Variants in CEP85 observed in about 807,000 individuals in gnomAD.
CEP85 encodes centrosomal protein 85.
A neutral mutation model predicts 93.7 loss-of-function variants in CEP85; 58 were observed. The ratio of observed to expected loss-of-function variants is 0.62; its 90% confidence interval spans 0.50 to 0.77. CEP85 has a LOEUF of 0.77. Ranked by LOEUF, CEP85 falls within the 30% of genes least tolerant of loss-of-function variation. The pLI is 0.00. For synonymous variants in CEP85, 314 were observed against 338.6 expected (o/e 0.93, Z 0.80); for missense variants, 868 against 922.0 (o/e 0.94, Z 0.76).
At chr1:26,269,280 G>A (rs1455506283) in intron 8 of CEP85, 180 bp from the exon 9 acceptor site, 1 of 607,256 alleles carries the variant, frequency 1.6e-6, no homozygotes, top group Non-Finnish European at 2.9e-6. Context: ...CCCCTGTCCA[G>A]TTGTGTTCTC....
chr1:26,249,776 G>A (rs1242822682), intron 3 of CEP85, among the ~76,000 whole-genome samples: 1 of 152,122 alleles, frequency 6.6e-6, no homozygotes, highest in East Asian at 1.9e-4. Flanking sequence ...TGGTTAAGTA[G>A]GGGAGAGATT....
Position 26,277,485 on chromosome 1 carries a change from T to C in CEP85, c.*192T>C. 1.8e-6 allele frequency: 1 copy of C among 556,372 alleles called. No homozygotes were observed. Among genetic ancestry groups the C allele is most frequent in the Non-Finnish European group, 3.3e-6 (1 of 305,722 alleles). 34.5% of individuals were successfully genotyped at this position (556,372 alleles called of 1,614,324 possible). On this transcript the variant is annotated 3_prime_UTR_variant, in exon 14 of 14. Coordinates refer to ENST00000451429, the MANE Select transcript of CEP85 (RefSeq NM_001319944.2). ...ACACTGGCATGTTGGATTACGTTTG[T>C]CCTGTTAATTCACTCTAGACGGTGA... is the stretch of plus-strand genomic sequence containing the variant.
chr1:26,247,518 A>C (rs2089529691), intron 3 of CEP85, among the ~76,000 whole-genome samples: 1 of 152,036 alleles, frequency 6.6e-6, no homozygotes, highest in East Asian at 1.9e-4. Flanking sequence ...AAATCACTTG[A>C]GCCCACGAGT....
rs751288836 is a variant in CEP85, at chr1:26,271,050, A to T, written c.1686A>T (p.Gly562=). 3.6e-5 allele frequency: 58 copies of T among 1,613,660 alleles called. No homozygotes were observed. Among genetic ancestry groups the T allele is most frequent in the Non-Finnish European group, 4.7e-5 (56 of 1,179,554 alleles). The change falls in exon 10 of 14, where the codon GGA becomes GGT. Residue 562 remains glycine (G), a synonymous_variant. Transcript: ENST00000451429. ...AACAGTCTGTGGAGGAGACCAGTGG[A>T]GAAGGTCCAGAAGTGGAAATGGAGT... ...QDKQSVEETS[G]EGPEVEMESW... is the part of the protein sequence containing the mutation.
intron 7 of CEP85, among the ~76,000 whole-genome samples, chr1:26,262,605 C>T (rs1329840207): frequency 1.3e-5 from 2 of 152,114 alleles, no homozygotes; most frequent in African/African-American, 4.8e-5. Context: ...TCCACTGGTA[C>T]CACAGATGAT....
intron 6 of CEP85, among the ~76,000 whole-genome samples, chr1:26,259,389 G>A (rs2089771544): frequency 6.6e-6 from 1 of 152,192 alleles, no homozygotes; most frequent in Admixed American, 6.5e-5. Flanking sequence ...CATCCCTACA[G>A]TTTCTGGTTT....
At chr1:26,247,054 T>C (rs971130972) in intron 3 of CEP85, among the ~76,000 whole-genome samples, 10 of 152,176 alleles carry the variant, frequency 6.6e-5, no homozygotes, top group Admixed American at 5.2e-4. Flanking sequence ...GGGATTAAAT[T>C]CTCACAGGAG....
intron 3 of CEP85, among the ~76,000 whole-genome samples, chr1:26,249,104 C>T (rs755126910): frequency 1.4e-4 from 22 of 151,904 alleles, no homozygotes; most frequent in African/African-American, 2.4e-4. Context: ...TGTTTTGAGA[C>T]GGAGTCTCAC....
rs577042088 is a variant in CEP85 at position 26,236,064 on chromosome 1, C to T, written c.-23+1754C>T. ...GAGGCAGAAACTCCAACTTGTGGTGCCATGCTTGATCTCTTTTTTTGTGTT... is the reference window on the plus strand; with the variant it reads ...GAGGCAGAAACTCCAACTTGTGGTGTCATGCTTGATCTCTTTTTTTGTGTT... On this transcript the variant is annotated intron_variant, in intron 1 of 13. Coordinates refer to ENST00000451429, the MANE Select transcript of CEP85 (RefSeq NM_001319944.2). Among the ~76,000 whole-genome samples the T allele has an allele frequency of 2.0e-5, 3 of 152,316 alleles. No individual in the cohort carries two copies. The East Asian group carries it at 5.8e-4, about 29-fold the overall frequency.
chr1:26,249,521 C>G (rs2089570930), intron 3 of CEP85, among the ~76,000 whole-genome samples: 1 of 152,220 alleles, frequency 6.6e-6, no homozygotes, highest in African/African-American at 2.4e-5. Context: ...CACCCTTCTT[C>G]ACTAAGGTGT....
At chr1:26,240,801 G>A (rs1212410311) in intron 2 of CEP85, among the ~76,000 whole-genome samples, 1 of 152,050 alleles carries the variant, frequency 6.6e-6, no homozygotes, top group African/African-American at 2.4e-5. Context: ...GGGAGGCTGA[G>A]GCAGGAGAAT....
intron 3 of CEP85, chr1:26,254,962 C>T (rs2089672993): frequency 4.9e-6 from 3 of 606,270 alleles, no homozygotes; most frequent in African/African-American, 1.8e-5. Flanking sequence ...GTCATTATTG[C>T]CTTTTGTTAG....
chr1:26,271,267 T>C (rs1161472604), intron 10 of CEP85, among the ~76,000 whole-genome samples, 160 bp downstream of exon 10: 1 of 152,200 alleles, frequency 6.6e-6, no homozygotes, highest in Non-Finnish European at 1.5e-5. Flanking sequence ...TAGTAATTTG[T>C]ATTTAGATAG....
At chr1:26,274,860 G>T (rs1033596896) in intron 11 of CEP85, 104 bp from the exon 12 acceptor site, 7 of 809,842 alleles carry the variant, frequency 8.6e-6, no homozygotes, top group Admixed American at 2.4e-5. Flanking sequence ...TGAGGGTGTA[G>T]GTAGGGTGAG....
chr1:26,257,534 C>G (rs936639716), intron 4 of CEP85, 63 bp from the exon 5 acceptor site: 14 of 1,592,602 alleles, frequency 8.8e-6, no homozygotes, highest in Non-Finnish European at 1.2e-5. Context: ...CTGATTACTG[C>G]TCAGGTGTTT....
chr1:26,249,254 G>T (rs952669979), intron 3 of CEP85, among the ~76,000 whole-genome samples: 2 of 152,176 alleles, frequency 1.3e-5, no homozygotes, highest in Non-Finnish European at 2.9e-5. Flanking sequence ...GCTAATTTTT[G>T]TATTTTTAGT....
intron 7 of CEP85, 81 bp from the exon 8 acceptor site, chr1:26,268,402 C>T: frequency 6.6e-7 from 1 of 1,516,382 alleles, no homozygotes; most frequent in Non-Finnish European, 9.1e-7. Context: ...AGGCTGCAGT[C>T]AGCTGAGATC....
At chr1:26,240,404 G>A (rs2089403255) in intron 2 of CEP85, among the ~76,000 whole-genome samples, 1 of 151,946 alleles carries the variant, frequency 6.6e-6, no homozygotes, top group Admixed American at 6.6e-5. Context: ...AAAATGGTGT[G>A]GTATTTGCAT....
intron 5 of CEP85, 33 bp from the exon 6 acceptor site, chr1:26,258,110 A>G (rs1042484016): frequency 8.6e-6 from 13 of 1,512,604 alleles, no homozygotes; most frequent in Admixed American, 6.7e-5. Flanking sequence ...GGTTAGCATC[A>G]GGACCCTGAC....
Sources: allele counts gnomAD v4.1 joint callset (sites outside exome capture counted in the v4.1 genomes callset), GRCh38; gene constraint gnomAD v4.1.1; transcripts MANE v1.5; gene names NCBI Gene and HGNC (gene_info 2026-07-23, HGNC 2026-07-21).